ADAMTS20: variants seen among roughly 807,000 people sequenced by gnomAD.
ADAMTS20 encodes ADAM metallopeptidase with thrombospondin type 1 motif 20.
Under a neutral mutation model 260.1 loss-of-function variants are expected in ADAMTS20, and 225 were observed. The observed-to-expected ratio is 0.87, with a 90% CI of 0.78 to 0.97. ADAMTS20 has a LOEUF of 0.97. Ranked by LOEUF, ADAMTS20 falls within the 50% of genes least tolerant of loss-of-function variation. ADAMTS20 has a pLI of 0.00. For missense variants in ADAMTS20, 2,400 were observed against 2,337.7 expected (o/e 1.03, Z -0.55); for synonymous variants, 802 against 769.5 (o/e 1.04, Z -0.70).
intron 21 of ADAMTS20, 138 bp from the exon 22 acceptor site, chr12:43,431,634 A>T: frequency 2.0e-6 from 2 of 983,430 alleles, no homozygotes; most frequent in Non-Finnish European, 3.1e-6. Flanking sequence ...ACTCCACCAG[A>T]GATATTCACT....
rs772200197 is a variant in ADAMTS20 at position 43,551,968 on chromosome 12, G to T, written c.-47C>A. On this transcript the variant is annotated 5_prime_UTR_variant, in exon 1 of 39. Coordinates refer to ENST00000389420, the MANE Select transcript of ADAMTS20 (RefSeq NM_025003.5). This position sits in a 1 kb window ranked among gnomAD's most constrained non-coding sequence, Gnocchi z 4.6. ...ATCGGGGAGGCCCACCAGAGCCGCC[G>T]GCAGCCAAGCCGGCTTCCCTCGCGC... The T allele has an allele frequency of 3.2e-6, 5 of 1,555,718 alleles. No individual in the cohort carries two copies. In the African/African-American group the frequency reaches 5.4e-5, roughly 17 times the overall value.
At chr12:43,363,536 T>C (rs1408499550) in intron 37 of ADAMTS20, among the ~76,000 whole-genome samples, 2 of 152,188 alleles carry the variant, frequency 1.3e-5, no homozygotes, top group Non-Finnish European at 2.9e-5. Context: ...GGTGTTACTC[T>C]GAGGAATGGG....
At chr12:43,547,997 T>G (rs1943463075) in intron 2 of ADAMTS20, among the ~76,000 whole-genome samples, 2 of 152,168 alleles carry the variant, frequency 1.3e-5, no homozygotes, top group South Asian at 4.1e-4. Flanking sequence ...TACAAAGACC[T>G]CATAACACGT....
At chr12:43,398,115 C>G (rs1248795205) in intron 29 of ADAMTS20, among the ~76,000 whole-genome samples, 1 of 152,044 alleles carries the variant, frequency 6.6e-6, no homozygotes, top group African/African-American at 2.4e-5. Context: ...AGGACTAGGC[C>G]CTTTAAGAAA....
intron 3 of ADAMTS20, among the ~76,000 whole-genome samples, chr12:43,517,747 G>T (rs903682544): frequency 6.6e-6 from 1 of 151,926 alleles, no homozygotes; most frequent in African/African-American, 2.4e-5. Context: ...GAAGAATGAA[G>T]TCAAAGGCTT....
chr12:43,442,796 G>C (rs1462477311), intron 16 of ADAMTS20, among the ~76,000 whole-genome samples: 1 of 152,130 alleles, frequency 6.6e-6, no homozygotes, highest in African/African-American at 2.4e-5. Flanking sequence ...TTTGCATCTT[G>C]TATTGAGGTG....
At chr12:43,410,783 G>C (rs527549619) in intron 28 of ADAMTS20, among the ~76,000 whole-genome samples, 5 of 152,304 alleles carry the variant, frequency 3.3e-5, no homozygotes, top group South Asian at 2.1e-4. Flanking sequence ...TATAGAGGAG[G>C]AATTTGATTG....
In ADAMTS20 at chr12:43,399,206, T is replaced by G. The variant is rs142873327; in HGVS notation, c.4312A>C (p.Lys1438Gln). ...TCAATGCAAAACACTTCACGGTACT[T>G]TCTACCTTTACCACAAGAAGCTGAG... The part of the protein sequence containing the change: ...SCSASCGKGR[K>Q]YREVFCIDQF... Residue 1438 changes from lysine (K) to glutamine (Q), a missense_variant, in exon 29 of 39, where the codon AAG becomes CAG. Coordinates refer to ENST00000389420, the MANE Select transcript of ADAMTS20 (RefSeq NM_025003.5). 8 of 1,555,164 alleles carry G rather than the reference T, an allele frequency of 5.1e-6. No individual in the cohort carries two copies. The African/African-American group carries it at 9.7e-5, about 19-fold the overall frequency.
At chr12:43,358,750 T>C (rs1939801235) in intron 37 of ADAMTS20, among the ~76,000 whole-genome samples, 1 of 140,444 alleles carries the variant, frequency 7.1e-6, no homozygotes, top group South Asian at 2.2e-4. Context: ...GGCAGGAGAA[T>C]GGCGTGAACC....
At chr12:43,416,743 C>T (rs570235144) in intron 28 of ADAMTS20, among the ~76,000 whole-genome samples, 41 of 151,762 alleles carry the variant, frequency 2.7e-4, no homozygotes, top group Admixed American at 6.6e-4. Context: ...AGGATGGTCT[C>T]GATCTCCTGA....
At chr12:43,437,040 C>T (rs1435141261) in intron 18 of ADAMTS20, among the ~76,000 whole-genome samples, 3 of 151,974 alleles carry the variant, frequency 2.0e-5, no homozygotes, top group Non-Finnish European at 2.9e-5. Flanking sequence ...GAACAAACAG[C>T]GCAAGGTCAG....
At chr12:43,428,103 A>C in intron 26 of ADAMTS20, 138 bp downstream of exon 26, 2 of 893,842 alleles carry the variant, frequency 2.2e-6, no homozygotes, top group East Asian at 2.6e-5. Context: ...AAAGACGCTT[A>C]ATCTTTTTAA....
intron 37 of ADAMTS20, among the ~76,000 whole-genome samples, chr12:43,357,506 T>A (rs1226129440): frequency 6.6e-6 from 1 of 152,208 alleles, no homozygotes; most frequent in Non-Finnish European, 1.5e-5. Flanking sequence ...CAAATAGATA[T>A]CAATTTAGTC....
chr12:43,372,625 A>G (rs1247346754), intron 36 of ADAMTS20, among the ~76,000 whole-genome samples: 2 of 152,198 alleles, frequency 1.3e-5, no homozygotes, highest in African/African-American at 4.8e-5. Context: ...ATGTTTCTCT[A>G]TGAAGAATTT....
intron 11 of ADAMTS20, among the ~76,000 whole-genome samples, chr12:43,462,538 C>T (rs1011746842): frequency 6.6e-6 from 1 of 152,028 alleles, no homozygotes; most frequent in Non-Finnish European, 1.5e-5. Flanking sequence ...AGGGAGAAAA[C>T]GTATGAAATG....
At chr12:43,489,698 T>C (rs1157340590) in intron 7 of ADAMTS20, among the ~76,000 whole-genome samples, 2 of 151,886 alleles carry the variant, frequency 1.3e-5, no homozygotes, top group Non-Finnish European at 2.9e-5. Context: ...GAATATTAGC[T>C]CACTTAATGG....
intron 31 of ADAMTS20, among the ~76,000 whole-genome samples, chr12:43,381,780 CAAAAAAAAAA>C (rs765135656): frequency 3.8e-4 from 13 of 34,528 alleles, no homozygotes; most frequent in African/African-American, 1.6e-3. Context: ...GACTGCATCT[CAAAAAAAAAA>C]AAAAAAAAAA....
chr12:43,504,119 C>T (rs900454526), intron 3 of ADAMTS20, among the ~76,000 whole-genome samples: 1 of 152,070 alleles, frequency 6.6e-6, no homozygotes, highest in Non-Finnish European at 1.5e-5. Context: ...GTTTTTAGTT[C>T]TTTGAGGAAT....
At chr12:43,396,654 T>A (rs1467491819) in intron 29 of ADAMTS20, among the ~76,000 whole-genome samples, 1 of 152,190 alleles carries the variant, frequency 6.6e-6, no homozygotes, top group Non-Finnish European at 1.5e-5. Flanking sequence ...AAAAAGCATC[T>A]ATTTTTTATA....
Sources: allele counts gnomAD v4.1 joint callset (sites outside exome capture counted in the v4.1 genomes callset), GRCh38; gene constraint gnomAD v4.1.1; non-coding constraint Gnocchi (gnomAD v3.1); transcripts MANE v1.5; gene names NCBI Gene and HGNC (gene_info 2026-07-23, HGNC 2026-07-21).